The following MORN1 variants were observed in gnomAD, a reference collection of about 807,000 sequenced individuals.
The protein encoded by MORN1 is MORN repeat-containing protein 1.
Under a neutral mutation model 61.9 loss-of-function variants are expected in MORN1, and 67 were observed. The observed-to-expected ratio is 1.08, with a 90% CI of 0.89 to 1.33. The LOEUF is 1.33. MORN1 is among the 40% of genes most tolerant of loss of function. The probability of loss-of-function intolerance (pLI) is 0.00; values close to 1 mark genes in which losing one functional copy is unlikely to be tolerated. For missense variants in MORN1, 752 were observed against 691.2 expected (o/e 1.09, Z -0.99); for synonymous variants, 301 against 292.0 (o/e 1.03, Z -0.31).
Position 2,388,351 on chromosome 1 carries a change from T to C in MORN1, c.149-14A>G. On this transcript the variant is annotated splice_polypyrimidine_tract_variant and intron_variant, in intron 2 of 13. Coordinates refer to ENST00000378531, the MANE Select transcript of MORN1 (RefSeq NM_024848.3). ...ACTTCCCGTGACCTGGCAGGAGAAA[T>C]CGTCACGTGAACTCAGACAGTGGTT... 1 of 1,605,896 alleles carries C rather than the reference T, an allele frequency of 6.2e-7. No individual in the cohort carries two copies. Among genetic ancestry groups the C allele is most frequent in the Non-Finnish European group, 8.5e-7 (1 of 1,172,770 alleles).
chr1:2,331,920 CTGCGCCTCTCCCTCG>C (rs1428375359), intron 12 of MORN1, among the ~76,000 whole-genome samples: 1 of 134,966 alleles, frequency 7.4e-6, no homozygotes, highest in African/African-American at 2.9e-5. Context: ...TCTCCCGCCC[CTGCGCCTCTCCCTCG>C]TGCGCCTCTC....
chr1:2,321,431 G>A lies in MORN1; in HGVS notation c.1446C>T (p.Ser482=). Residue 482 remains serine (S), a synonymous_variant, in exon 14 of 14, where the codon AGC becomes AGT. Coordinates refer to ENST00000378531, the MANE Select transcript of MORN1 (RefSeq NM_024848.3). ...VLEEGPEASS[S]WQAAHSCTPE... is the part of the protein sequence containing the mutation. ...GGGTGCAGCTGTGGGCGGCCTGCCAGCTGCTTGAGGCTTCAGGGCCTTCTT... is the reference window on the plus strand; with the variant it reads ...GGGTGCAGCTGTGGGCGGCCTGCCAACTGCTTGAGGCTTCAGGGCCTTCTT... 1 of 1,541,426 alleles carries A rather than the reference G, an allele frequency of 6.5e-7. No individual in the cohort carries two copies. Among genetic ancestry groups the A allele is most frequent in the Non-Finnish European group, 8.8e-7 (1 of 1,142,692 alleles).
intron 10 of MORN1, among the ~76,000 whole-genome samples, chr1:2,349,319 G>A (rs1436211495): frequency 6.6e-6 from 1 of 152,158 alleles, no homozygotes; most frequent in African/African-American, 2.4e-5. Context: ...CCAAGGGAGG[G>A]GTGCTCCACC....
intron 8 of MORN1, among the ~76,000 whole-genome samples, chr1:2,365,077 G>C (rs536195157): frequency 6.6e-6 from 1 of 152,126 alleles, no homozygotes; most frequent in South Asian, 2.1e-4. Context: ...CTTTAAAGTA[G>C]TTTTTTCCAA....
At chr1:2,322,831 C>T (rs919976143) in intron 13 of MORN1, 1 of 985,340 alleles carries the variant, frequency 1.0e-6, no homozygotes. Flanking sequence ...TCTGACCCCA[C>T]TCCTGAGGCT....
chr1:2,340,092 C>T (rs7545296), intron 10 of MORN1, among the ~76,000 whole-genome samples: 2 of 152,224 alleles, frequency 1.3e-5, no homozygotes, highest in Non-Finnish European at 1.5e-5. Flanking sequence ...CCGGTGTCAT[C>T]GGCTACAGAT....
In MORN1 at chr1:2,372,581, C is replaced by T. The variant is rs772506838; in HGVS notation, c.645G>A (p.Thr215=). 33 of 1,613,120 alleles carry T rather than the reference C, an allele frequency of 2.0e-5. No homozygotes were observed. The highest frequency in any genetic ancestry group is 1.2e-4 in the South Asian group (11 of 90,910). ...CCTCCGGACCCAAGATCACGATCCT[C>T]GTAGCTTGTTCTGGGAGAGGACAGA... is the stretch of plus-strand genomic sequence containing the variant. ...WINGHPAEQA[T]RIVILGPEVM... The change falls in exon 8 of 14, where the codon ACG becomes ACA. Residue 215 remains threonine (T), a synonymous_variant. Coordinates refer to ENST00000378531, the MANE Select transcript of MORN1 (RefSeq NM_024848.3). This position sits in a 1 kb window ranked among gnomAD's most constrained non-coding sequence, Gnocchi z 5.4.
At chr1:2,364,121 T>G (rs1044930731) in intron 8 of MORN1, among the ~76,000 whole-genome samples, 1 of 152,130 alleles carries the variant, frequency 6.6e-6, no homozygotes, top group Non-Finnish European at 1.5e-5. Context: ...TACACCATGC[T>G]AATGCTAGTC....
At chr1:2,329,785 C>T (rs1019155073) in intron 12 of MORN1, among the ~76,000 whole-genome samples, 2 of 152,218 alleles carry the variant, frequency 1.3e-5, no homozygotes, top group African/African-American at 2.4e-5. Flanking sequence ...ATAGTGTTCC[C>T]CAAGGCCCCA....
chr1:2,335,839 A>AGCCCCGCCCCGCCCCGCCCCGCCCC (rs534524869), intron 12 of MORN1, among the ~76,000 whole-genome samples: 1 of 149,972 alleles, frequency 6.7e-6, no homozygotes, highest in African/African-American at 2.5e-5. Flanking sequence ...AGCCCAGCCC[A>AGCCCCGCCCCGCCCCGCCCCGCCCC]GCCCAGCGCG....
chr1:2,348,061 G>A (rs1181621129), intron 10 of MORN1, among the ~76,000 whole-genome samples: 2 of 152,128 alleles, frequency 1.3e-5, no homozygotes, highest in Non-Finnish European at 2.9e-5. Context: ...GATGTCCCTC[G>A]CAGGAAGGAG....
intron 6 of MORN1, chr1:2,376,118 C>T (rs1450810902): frequency 6.6e-6 from 1 of 152,660 alleles, no homozygotes; most frequent in East Asian, 1.9e-4. Context: ...ATGCCATGCC[C>T]TGTTGGAGGC....
At chr1:2,338,873 C>T (rs890484757) in intron 10 of MORN1, among the ~76,000 whole-genome samples, 11 of 152,116 alleles carry the variant, frequency 7.2e-5, no homozygotes, top group African/African-American at 2.2e-4. Context: ...TAAAGGCTGT[C>T]GTGACTGTCC....
intron 12 of MORN1, among the ~76,000 whole-genome samples, chr1:2,325,136 C>CTCCCTCCCTTCCT (rs1640984635): frequency 3.8e-4 from 2 of 5,322 alleles, no homozygotes; most frequent in African/African-American, 1.5e-3. Flanking sequence ...CCTTCCTTCC[C>CTCCCTCCCTTCCT]TCCCTCCCTC....
intron 10 of MORN1, among the ~76,000 whole-genome samples, chr1:2,342,131 G>A (rs1481260201): frequency 6.6e-6 from 1 of 152,274 alleles, no homozygotes; most frequent in Non-Finnish European, 1.5e-5. Flanking sequence ...GTCACCGTAC[G>A]ACCTCGGGGG....
intron 12 of MORN1, among the ~76,000 whole-genome samples, chr1:2,329,292 G>A (rs1274947437): frequency 1.3e-5 from 2 of 152,200 alleles, no homozygotes; most frequent in African/African-American, 4.8e-5. Flanking sequence ...CTTTGGTTTA[G>A]TATCCCTGCT....
chr1:2,380,729 C>T (rs188237281), intron 6 of MORN1, among the ~76,000 whole-genome samples: 2 of 152,168 alleles, frequency 1.3e-5, no homozygotes, highest in East Asian at 1.9e-4. Context: ...TTGTTTAAAA[C>T]TTCTTTTGTA....
intron 10 of MORN1, among the ~76,000 whole-genome samples, chr1:2,343,706 T>C (rs1641450169): frequency 6.6e-6 from 1 of 152,140 alleles, no homozygotes; most frequent in African/African-American, 2.4e-5. Flanking sequence ...TCGCGGAGCC[T>C]TGGAAGCAGC....
At chr1:2,327,704 C>T (rs577532604) in intron 12 of MORN1, among the ~76,000 whole-genome samples, 2 of 152,334 alleles carry the variant, frequency 1.3e-5, no homozygotes, top group East Asian at 1.9e-4. Context: ...GGGAGGGCCA[C>T]GAGGAGGGGC....
Sources: allele counts gnomAD v4.1 joint callset (sites outside exome capture counted in the v4.1 genomes callset), GRCh38; gene constraint gnomAD v4.1.1; non-coding constraint Gnocchi (gnomAD v3.1); transcripts MANE v1.5; gene names NCBI Gene and HGNC (gene_info 2026-07-23, HGNC 2026-07-21).